The following PPP1R14C variants were observed in gnomAD, a reference collection of about 807,000 sequenced individuals.
PPP1R14C encodes protein phosphatase 1 regulatory inhibitor subunit 14C, also known as protein phosphatase 1 regulatory subunit 14C.
Under a neutral mutation model 20.4 loss-of-function variants are expected in PPP1R14C, and 16 were observed. That is an observed-to-expected ratio of 0.78 (90% CI 0.53 to 1.19). PPP1R14C has a LOEUF of 1.19. Among genes scored for constraint, PPP1R14C ranks in the 50% most tolerant of loss-of-function variants. The pLI is 0.00. For synonymous variants in PPP1R14C, 91 were observed against 91.0 expected (o/e 1.00, Z 0.00); for missense variants, 211 against 220.1 (o/e 0.96, Z 0.26).
chr6:150,239,420 A>G (rs1223334165), intron 3 of PPP1R14C, among the ~76,000 whole-genome samples: 1 of 152,268 alleles, frequency 6.6e-6, no homozygotes, highest in Admixed American at 6.5e-5. Flanking sequence ...TAAGTAACAG[A>G]AAGATTATCT....
At chr6:150,180,601 T>C (rs1296132021) in intron 1 of PPP1R14C, among the ~76,000 whole-genome samples, 2 of 152,204 alleles carry the variant, frequency 1.3e-5, no homozygotes, top group Non-Finnish European at 2.9e-5. Context: ...CCTGTTGTTT[T>C]CTCTGATGTC....
intron 1 of PPP1R14C, among the ~76,000 whole-genome samples, chr6:150,194,114 C>T (rs932335868): frequency 2.6e-5 from 4 of 152,156 alleles, no homozygotes; most frequent in Non-Finnish European, 4.4e-5. Flanking sequence ...TGCCTTCCGC[C>T]TTCTGCCATG....
chr6:150,237,986 A>G (rs768603259), intron 3 of PPP1R14C, among the ~76,000 whole-genome samples: 10 of 152,208 alleles, frequency 6.6e-5, no homozygotes, highest in Non-Finnish European at 1.5e-4. Flanking sequence ...TATACGATCC[A>G]TAGTCCTCAG....
chr6:150,187,057 C>T lies in PPP1R14C; in HGVS notation c.307-27687C>T, dbSNP rs926445012. On this transcript the variant is annotated intron_variant, in intron 1 of 3. Coordinates refer to ENST00000361131, the MANE Select transcript of PPP1R14C (RefSeq NM_030949.3). ...ATGGTGCAATCTTGGCTCACTGCAA[C>T]CTTCGCCTCCTGGGTTCAAGAGATT... is the stretch of plus-strand genomic sequence containing the variant. Among the ~76,000 whole-genome samples, 7 of 151,958 alleles carry T rather than the reference C, an allele frequency of 4.6e-5. No individual in the cohort carries two copies. The East Asian group carries it at 1.2e-3, about 25-fold the overall frequency.
chr6:150,167,963 CCT>C (rs1491538944), intron 1 of PPP1R14C, among the ~76,000 whole-genome samples: 605 of 46,288 alleles, frequency 0.013, no homozygotes, highest in East Asian at 0.031. Context: ...TCTCTCCTCC[CCT>C]CTTTCTCTCC....
chr6:150,197,712 T>G (rs111299284), intron 1 of PPP1R14C, among the ~76,000 whole-genome samples: 4 of 149,848 alleles, frequency 2.7e-5, no homozygotes, highest in East Asian at 2.0e-4. Flanking sequence ...CGGCTTTGTG[T>G]GCCCCTGGCC....
At chr6:150,152,298 T>C (rs1582894308) in intron 1 of PPP1R14C, among the ~76,000 whole-genome samples, 1 of 152,104 alleles carries the variant, frequency 6.6e-6, no homozygotes, top group African/African-American at 2.4e-5. Flanking sequence ...GGGTCTCTGG[T>C]TCCTGGGTTG....
chr6:150,242,986 G>T (rs1778449765), intron 3 of PPP1R14C, among the ~76,000 whole-genome samples: 1 of 152,062 alleles, frequency 6.6e-6, no homozygotes, highest in Non-Finnish European at 1.5e-5. Flanking sequence ...AACAATATTT[G>T]TACACTGGAA....
intron 3 of PPP1R14C, among the ~76,000 whole-genome samples, chr6:150,222,442 A>G (rs1320278335): frequency 6.6e-6 from 1 of 152,170 alleles, no homozygotes; most frequent in Non-Finnish European, 1.5e-5. Flanking sequence ...TGGTGAACCT[A>G]CATTAACACA....
chr6:150,234,576 A>C (rs1778334101), intron 3 of PPP1R14C, among the ~76,000 whole-genome samples: 1 of 152,152 alleles, frequency 6.6e-6, no homozygotes, highest in South Asian at 2.1e-4. Context: ...CCAGCTGGGC[A>C]TGGTGGCTCA....
At chr6:150,164,597 T>G (rs1440403213) in intron 1 of PPP1R14C, 1 of 186,286 alleles carries the variant, frequency 5.4e-6, no homozygotes, top group Non-Finnish European at 1.2e-5. Context: ...CTTTTGTAGT[T>G]CATAGCATGA....
rs1268069630 is a variant in PPP1R14C, at chr6:150,150,740, C to T, written c.306+7242C>T. On this transcript the variant is annotated intron_variant, in intron 1 of 3. Transcript: ENST00000361131. ...CCCTCCCAGTCTCCTCCTCTGCAAG[C>T]TAGACCAGCCACCCTCCAGGCACTT... Among the ~76,000 whole-genome samples the T allele has an allele frequency of 2.0e-5, 3 of 152,298 alleles. No individual in the cohort carries two copies. In the East Asian group the frequency reaches 5.8e-4, roughly 29 times the overall value.
intron 1 of PPP1R14C, among the ~76,000 whole-genome samples, chr6:150,163,980 T>G (rs1368341796): frequency 6.6e-6 from 1 of 152,252 alleles, no homozygotes; most frequent in African/African-American, 2.4e-5. Flanking sequence ...ATTGCACCAA[T>G]CTACATGCCC....
intron 3 of PPP1R14C, among the ~76,000 whole-genome samples, chr6:150,240,635 C>T (rs118046980): frequency 0.014 from 2,143 of 152,272 alleles, 26 homozygotes; most frequent in Non-Finnish European, 0.018. Context: ...TGATTGTTTG[C>T]GGGAGAGGAC....
chr6:150,221,419 T>C (rs952430997), intron 3 of PPP1R14C, among the ~76,000 whole-genome samples: 1 of 152,250 alleles, frequency 6.6e-6, no homozygotes, highest in African/African-American at 2.4e-5. Flanking sequence ...TATAGGACTT[T>C]GCCCTGTCTG....
At chr6:150,157,144 C>A (rs1021416294) in intron 1 of PPP1R14C, among the ~76,000 whole-genome samples, 2 of 152,170 alleles carry the variant, frequency 1.3e-5, no homozygotes, top group African/African-American at 4.8e-5. Flanking sequence ...ACTACTGACA[C>A]CTTACTATAA....
At chr6:150,207,159 G>C (rs1464769188) in intron 1 of PPP1R14C, among the ~76,000 whole-genome samples, 1 of 152,098 alleles carries the variant, frequency 6.6e-6, no homozygotes, top group African/African-American at 2.4e-5. Flanking sequence ...CACTGTGCCC[G>C]GCCTATTTTG....
chr6:150,219,071 G>T (rs1380472166), intron 3 of PPP1R14C, among the ~76,000 whole-genome samples: 1 of 151,522 alleles, frequency 6.6e-6, no homozygotes, highest in Non-Finnish European at 1.5e-5. Flanking sequence ...ACCCTCATCA[G>T]TTATTTAACA....
At chr6:150,239,095 C>A (rs1041980584) in intron 3 of PPP1R14C, among the ~76,000 whole-genome samples, 89 of 152,156 alleles carry the variant, frequency 5.8e-4, no homozygotes, top group African/African-American at 2.1e-3. Flanking sequence ...TAGAATATTG[C>A]AAAAGATCAT....
Sources: gnomAD v4.1 joint callset for allele counts (sites outside exome capture counted in the v4.1 genomes callset) on GRCh38, gnomAD v4.1.1 for gene constraint, MANE v1.5 for transcripts, NCBI Gene and HGNC (gene_info 2026-07-23, HGNC 2026-07-21) for gene names.